STYXL1: variants seen among roughly 807,000 people sequenced by gnomAD.
The protein encoded by STYXL1 is serine/threonine/tyrosine interacting like 1.
A neutral mutation model predicts 36.4 loss-of-function variants in STYXL1; 32 were observed. The observed-to-expected ratio is 0.88, with a 90% CI of 0.66 to 1.18. STYXL1 has a LOEUF of 1.18. Ranked by LOEUF, STYXL1 falls within the 50% of genes most tolerant of loss-of-function variation. STYXL1 has a pLI of 0.00. For synonymous variants in STYXL1, 133 were observed against 144.1 expected (o/e 0.92, Z 0.55); for missense variants, 354 against 394.1 (o/e 0.90, Z 0.86).
At chr7:76,025,211 TCTGCTAA>T (rs1283211713) in intron 3 of STYXL1, among the ~76,000 whole-genome samples, 1 of 147,382 alleles carries the variant, frequency 6.8e-6, no homozygotes, top group Non-Finnish European at 1.5e-5. Context: ...AAGGCCTCAA[TCTGCTAA>T]CTGGGAAGCT....
intron 6 of STYXL1, among the ~76,000 whole-genome samples, 184 bp downstream of exon 6, chr7:76,005,075 A>G (rs1252699852): frequency 6.8e-6 from 1 of 147,640 alleles, no homozygotes; most frequent in Non-Finnish European, 1.5e-5. Context: ...CTAAATGACG[A>G]GTTAATGGGT....
chr7:76,025,659 G>T (rs113570449), intron 3 of STYXL1, among the ~76,000 whole-genome samples: 1 of 151,936 alleles, frequency 6.6e-6, no homozygotes, highest in East Asian at 1.9e-4. Flanking sequence ...GTGTGGTGGC[G>T]GGTGCCTGTA....
intron 1 of STYXL1, among the ~76,000 whole-genome samples, chr7:76,043,223 C>T (rs1796642035): frequency 6.6e-6 from 1 of 152,028 alleles, no homozygotes; most frequent in Non-Finnish European, 1.5e-5. Flanking sequence ...CTCACTGCAA[C>T]CTCTGCCTCC....
chr7:76,011,683 T>G (rs1554572255), intron 5 of STYXL1, among the ~76,000 whole-genome samples: 1 of 152,228 alleles, frequency 6.6e-6, no homozygotes, highest in East Asian at 1.9e-4. Context: ...CACGGCACTC[T>G]CCAGGGACCA....
chr7:76,027,748 A>C (rs1794882386), intron 3 of STYXL1, among the ~76,000 whole-genome samples: 1 of 152,204 alleles, frequency 6.6e-6, no homozygotes, highest in Non-Finnish European at 1.5e-5. Context: ...CAATGAACTC[A>C]GGCTGTTGTA....
At chr7:76,013,593 T>G in intron 5 of STYXL1, 149 bp downstream of exon 5, 1 of 1,139,746 alleles carries the variant, frequency 8.8e-7, no homozygotes. Flanking sequence ...CCCAGCTAAT[T>G]TTTGTGTTTT....
chr7:76,013,672 T>G, intron 5 of STYXL1, 70 bp downstream of exon 5: 3 of 1,603,408 alleles, frequency 1.9e-6, no homozygotes, highest in South Asian at 1.1e-5. Context: ...TCCCACTCAG[T>G]CACCCACAAG....
At chr7:76,029,183 C>T (rs913507534) in intron 2 of STYXL1, among the ~76,000 whole-genome samples, 1 of 151,968 alleles carries the variant, frequency 6.6e-6, no homozygotes, top group African/African-American at 2.4e-5. Flanking sequence ...ACACTAAATC[C>T]CCATCCAGGT....
chr7:76,044,351 T>G (rs1023708458), intron 1 of STYXL1: 2 of 152,212 alleles, frequency 1.3e-5, no homozygotes, highest in Non-Finnish European at 1.5e-5. Context: ...GGGTCTCCTG[T>G]GTTGCCCAGG....
intron 1 of STYXL1, among the ~76,000 whole-genome samples, chr7:76,041,446 T>C (rs1436792676): frequency 6.6e-6 from 1 of 152,122 alleles, no homozygotes; most frequent in East Asian, 1.9e-4. Flanking sequence ...TGTGGTAGTA[T>C]TGGGAGGTGG....
intron 1 of STYXL1, among the ~76,000 whole-genome samples, chr7:76,046,274 C>CTTTGTGTGTGTGTGTG (rs1451331977): frequency 9.7e-6 from 1 of 103,164 alleles, no homozygotes; most frequent in African/African-American, 4.4e-5. Flanking sequence ...AGCTTATCTG[C>CTTTGTGTGTGTGTGTG]TGTGTGTGTG....
chr7:76,027,448 C>T (rs915960185), intron 3 of STYXL1, among the ~76,000 whole-genome samples: 1 of 151,548 alleles, frequency 6.6e-6, no homozygotes, highest in East Asian at 1.9e-4. Flanking sequence ...GCCTGGGCAA[C>T]ATAATAAGAT....
chr7:76,022,841 C>T lies in STYXL1; in HGVS notation c.166-849G>A, dbSNP rs1238050357. Among the ~76,000 whole-genome samples the T allele has an allele frequency of 2.0e-5, 3 of 152,168 alleles. No individual in the cohort carries two copies. The East Asian group carries it at 5.8e-4, about 29-fold the overall frequency. ...ACCTGGGAGGCTGAGGTGGGAGGAT[C>T]GCTTGAGCCCTGGAGTTCAAAGCTG... On this transcript the variant is annotated intron_variant, in intron 3 of 8. Transcript: ENST00000359697.
chr7:76,016,402 T>C (rs1425141435), intron 4 of STYXL1, among the ~76,000 whole-genome samples: 7 of 151,624 alleles, frequency 4.6e-5, no homozygotes, highest in Admixed American at 4.0e-4. Flanking sequence ...TGTGTATATA[T>C]ACGTATATCT....
intron 8 of STYXL1, among the ~76,000 whole-genome samples, chr7:75,997,574 CTT>C (rs1790292829): frequency 6.6e-6 from 1 of 152,196 alleles, no homozygotes; most frequent in African/African-American, 2.4e-5. Context: ...GCTTTCATCA[CTT>C]CTGTTCAACA....
intron 5 of STYXL1, among the ~76,000 whole-genome samples, chr7:76,009,615 T>C (rs1481089602): frequency 6.6e-6 from 1 of 152,214 alleles, no homozygotes; most frequent in Non-Finnish European, 1.5e-5. Context: ...TTCACCATGT[T>C]GGCCAGAATG....
chr7:75,998,895 T>C (rs976457838), intron 8 of STYXL1: 1 of 152,236 alleles, frequency 6.6e-6, no homozygotes, highest in African/African-American at 2.4e-5. Flanking sequence ...AATATTCATA[T>C]CCACAAATGT....
At chr7:76,027,673 C>G (rs1585291405) in intron 3 of STYXL1, among the ~76,000 whole-genome samples, 1 of 151,808 alleles carries the variant, frequency 6.6e-6, no homozygotes, top group Non-Finnish European at 1.5e-5. Flanking sequence ...TATATAAAAA[C>G]AACACATAAA....
intron 5 of STYXL1, among the ~76,000 whole-genome samples, chr7:76,009,194 A>G (rs1309258509): frequency 6.6e-6 from 1 of 152,108 alleles, no homozygotes; most frequent in Non-Finnish European, 1.5e-5. Context: ...ACACAATGCA[A>G]ACGAAACCAG....
Sources: allele counts gnomAD v4.1 joint callset (sites outside exome capture counted in the v4.1 genomes callset), GRCh38; gene constraint gnomAD v4.1.1; transcripts MANE v1.5; gene names NCBI Gene and HGNC (gene_info 2026-07-23, HGNC 2026-07-21).